The following RAD51B variants were observed in gnomAD, a reference collection of about 807,000 sequenced individuals.
The protein encoded by RAD51B is RAD51 paralog B.
RAD51B carries 38 observed loss-of-function variants against 42.2 expected under a neutral mutation model. The ratio of observed to expected loss-of-function variants is 0.90; its 90% CI spans 0.70 to 1.18. The LOEUF (loss-of-function observed/expected upper bound fraction) is 1.18. Among genes scored for constraint, RAD51B ranks in the 50% most tolerant of loss-of-function variants. RAD51B has a pLI of 0.00. For synonymous variants in RAD51B, 154 were observed against 145.2 expected, an observed-to-expected ratio of 1.06 and a Z score of -0.43; for missense variants, 373 against 400.7, an observed-to-expected ratio of 0.93 and a Z score of 0.59.
chr14:68,621,507 C>G (rs776726711), intron 10 of RAD51B, among the ~76,000 whole-genome samples: 2 of 152,264 alleles, frequency 1.3e-5, no homozygotes, highest in Non-Finnish European at 2.9e-5. Flanking sequence ...AAAAGGGCAG[C>G]TGAGCCCAAT....
chr14:67,960,572 A>G (rs1191135104), intron 7 of RAD51B, among the ~76,000 whole-genome samples: 1 of 152,258 alleles, frequency 6.6e-6, no homozygotes, highest in Admixed American at 6.5e-5. Flanking sequence ...TATCTAGGAT[A>G]AAATAAATTT....
chr14:68,614,652 T>C (rs985979662), downstream of RAD51B, among the ~76,000 whole-genome samples: 2 of 152,258 alleles, frequency 1.3e-5, no homozygotes, highest in African/African-American at 4.8e-5. Flanking sequence ...GTGAGCATAG[T>C]GTTTTCAAGG....
intron 10 of RAD51B, among the ~76,000 whole-genome samples, chr14:68,522,081 G>A (rs767812267): frequency 2.0e-4 from 30 of 152,156 alleles, no homozygotes; most frequent in Non-Finnish European, 3.5e-4. Context: ...TTGAAGCAGC[G>A]TCTTGCTCCC....
intron 8 of RAD51B, among the ~76,000 whole-genome samples, chr14:68,406,176 C>T (rs533264213): frequency 3.9e-5 from 6 of 152,246 alleles, no homozygotes; most frequent in East Asian, 3.9e-4. Context: ...ATACATCAGG[C>T]GTGGGTTTGG....
chr14:68,191,347 C>T (rs1008848874), intron 7 of RAD51B, among the ~76,000 whole-genome samples: 3 of 152,064 alleles, frequency 2.0e-5, no homozygotes, highest in Admixed American at 6.6e-5. Flanking sequence ...AGTTTGAAAC[C>T]ATTACATGAT....
At chr14:68,241,963 C>G (rs570409714) in intron 7 of RAD51B, among the ~76,000 whole-genome samples, 4 of 152,304 alleles carry the variant, frequency 2.6e-5, no homozygotes, top group Admixed American at 2.0e-4. Flanking sequence ...CTCCAGACTT[C>G]CCCTGCTTAT....
At chr14:68,309,248 CTCTG>C (rs2081925306) in intron 8 of RAD51B, among the ~76,000 whole-genome samples, 1 of 152,128 alleles carries the variant, frequency 6.6e-6, no homozygotes, top group African/African-American at 2.4e-5. Context: ...CTCTGTTTCT[CTCTG>C]TCTGATGGGA....
exon 11 of RAD51B, chr14:68,595,584 C>G: frequency 3.8e-6 from 4 of 1,066,408 alleles, no homozygotes; most frequent in Non-Finnish European, 4.5e-6. Flanking sequence ...TGACTTATGA[C>G]CAGAACAAGG....
chr14:68,172,302 T>C lies in RAD51B; in HGVS notation c.757-119582T>C, dbSNP rs1177861173. ...TTACATTCTTAATCTATTACATGTG[T>C]ATTTGTCCCGTCCTTACTGACTTAA... On this transcript the variant is annotated intron_variant, in intron 7 of 10. Coordinates refer to ENST00000471583, the MANE Select transcript of RAD51B (RefSeq NM_133510.4). 4.6e-5 allele frequency among the ~76,000 whole-genome samples: 7 copies of C among 152,226 alleles called. No individual in the cohort carries two copies. The East Asian group carries it at 1.3e-3, about 29-fold the overall frequency.
chr14:68,206,592 T>C (rs989049006), intron 7 of RAD51B, among the ~76,000 whole-genome samples: 1 of 152,154 alleles, frequency 6.6e-6, no homozygotes, highest in Non-Finnish European at 1.5e-5. Context: ...TTCTTTTCAG[T>C]GGTTGATACT....
intron 7 of RAD51B, among the ~76,000 whole-genome samples, chr14:67,920,893 TAAG>T (rs779779500): frequency 6.6e-6 from 1 of 152,204 alleles, no homozygotes; most frequent in Non-Finnish European, 1.5e-5. Context: ...AAGGCTATCT[TAAG>T]AAAAATATGT....
chr14:68,278,848 T>C (rs1050982624), intron 7 of RAD51B, among the ~76,000 whole-genome samples: 6 of 152,228 alleles, frequency 3.9e-5, no homozygotes, highest in Non-Finnish European at 7.3e-5. Context: ...GAGGGATTTT[T>C]CTTTGCGTTC....
intron 7 of RAD51B, among the ~76,000 whole-genome samples, chr14:68,137,168 C>T (rs1029003937): frequency 2.0e-5 from 3 of 151,984 alleles, no homozygotes; most frequent in Non-Finnish European, 4.4e-5. Context: ...CCCAGCTAGT[C>T]GGGAGGCTGA....
At chr14:68,623,290 T>C (rs1891996674) in intron 10 of RAD51B, among the ~76,000 whole-genome samples, 1 of 152,010 alleles carries the variant, frequency 6.6e-6, no homozygotes. Flanking sequence ...GCCCTGAAAC[T>C]CTCCCAGAAC....
intron 10 of RAD51B, chr14:68,628,377 C>G (rs530464470): frequency 9.6e-4 from 146 of 152,406 alleles, no homozygotes; most frequent in African/African-American, 3.4e-3. Context: ...GCACAGAACC[C>G]GAGCGCACAG....
chr14:68,155,809 G>T lies in RAD51B; in HGVS notation c.757-136075G>T, dbSNP rs8011084. Among the ~76,000 whole-genome samples the T allele has an allele frequency of 7.5e-3, 1,137 of 152,254 alleles. 12 individuals carry two copies. Among genetic ancestry groups the T allele is most frequent in the African/African-American group, 0.022 (925 of 41,556 alleles). ...TGAATCCAGGATGCAATATACAAAG[G>T]TTTTTGCAGTTTTCAGCAAGTGTGA... is the stretch of plus-strand genomic sequence containing the variant. On this transcript the variant is annotated intron_variant, in intron 7 of 10. Coordinates refer to ENST00000471583, the MANE Select transcript of RAD51B (RefSeq NM_133510.4).
intron 7 of RAD51B, among the ~76,000 whole-genome samples, chr14:68,175,290 A>T (rs2078943016): frequency 6.6e-6 from 1 of 152,236 alleles, no homozygotes; most frequent in Non-Finnish European, 1.5e-5. Flanking sequence ...GAAATAAAGC[A>T]TACTGAAGAG....
At chr14:68,025,418 G>A (rs2075937784) in intron 7 of RAD51B, among the ~76,000 whole-genome samples, 1 of 147,560 alleles carries the variant, frequency 6.8e-6, no homozygotes, top group Non-Finnish European at 1.5e-5. Flanking sequence ...AGTAGGATTG[G>A]TACCAGTTCT....
chr14:68,367,318 T>C (rs2083162419), intron 8 of RAD51B, among the ~76,000 whole-genome samples: 1 of 152,238 alleles, frequency 6.6e-6, no homozygotes, highest in East Asian at 1.9e-4. Context: ...TAGACTAAAT[T>C]ACATGTATCA....
Sources: gnomAD v4.1 joint callset for allele counts (sites outside exome capture counted in the v4.1 genomes callset) on GRCh38, gnomAD v4.1.1 for gene constraint, MANE v1.5 for transcripts, NCBI Gene and HGNC (gene_info 2026-07-23, HGNC 2026-07-21) for gene names.